Variants in ATP2B2 observed in about 807,000 individuals in gnomAD.
The protein encoded by ATP2B2 is ATPase plasma membrane Ca2+ transporting 2.
A neutral mutation model predicts 120.0 loss-of-function variants in ATP2B2; 15 were observed. That is an observed-to-expected ratio of 0.12 (90% confidence interval 0.08 to 0.19). The LOEUF (loss-of-function observed/expected upper bound fraction) is 0.19, where lower values mean the gene tolerates loss of function less well. Ranked by LOEUF, ATP2B2 falls within the 10% of genes least tolerant of loss-of-function variation. The pLI is 1.00. For missense variants in ATP2B2, 1,045 were observed against 1,719.8 expected (o/e 0.61, Z 6.94); for synonymous variants, 694 against 700.3 (o/e 0.99, Z 0.14).
chr3:10,481,585 G>A (rs1231237819), intron 1 of ATP2B2, among the ~76,000 whole-genome samples: 5 of 152,054 alleles, frequency 3.3e-5, no homozygotes, highest in African/African-American at 9.7e-5. Flanking sequence ...ACACAGTCTC[G>A]CTCCGTTACC....
chr3:10,445,472 C>T (rs965597227), intron 2 of ATP2B2, among the ~76,000 whole-genome samples: 4 of 152,180 alleles, frequency 2.6e-5, no homozygotes, highest in African/African-American at 7.2e-5. Flanking sequence ...AGGAGTGGAG[C>T]TTAGATGGGG....
intron 1 of ATP2B2, among the ~76,000 whole-genome samples, chr3:10,647,772 A>G (rs2070358182): frequency 1.3e-5 from 2 of 152,194 alleles, no homozygotes; most frequent in East Asian, 1.9e-4. Flanking sequence ...GAGAAGAGAG[A>G]AAAAGAAGTT....
intron 3 of ATP2B2, among the ~76,000 whole-genome samples, chr3:10,405,631 T>C (rs1280038123): frequency 1.3e-5 from 2 of 152,082 alleles, no homozygotes; most frequent in African/African-American, 4.8e-5. Flanking sequence ...ACAGTGGCCA[T>C]AGGGTCCAGG....
chr3:10,589,652 C>T (rs530114347), intron 2 of ATP2B2, among the ~76,000 whole-genome samples: 5 of 152,280 alleles, frequency 3.3e-5, no homozygotes, highest in South Asian at 4.2e-4. Context: ...TAGACCCAGC[C>T]CTTGATGAAA....
Position 10,342,628 on chromosome 3 carries a change from G to T in ATP2B2, c.2917+124C>A. On this transcript the variant is annotated intron_variant, in intron 19 of 22. Coordinates refer to ENST00000360273, the MANE Select transcript of ATP2B2 (RefSeq NM_001001331.4). The surrounding 1 kb of genome is among the most constrained non-coding windows in gnomAD (Gnocchi z 4.4). ...TGGGCAACTTACTTGACCTCCCTGG[G>T]CCTCAATTTCCCCATTAGCAAAACA... The T allele has an allele frequency of 8.4e-7, 1 of 1,190,624 alleles. No homozygotes were observed. Among genetic ancestry groups the T allele is most frequent in the Non-Finnish European group, 1.2e-6 (1 of 824,594 alleles). 73.8% of individuals were successfully genotyped at this position (1,190,624 alleles called of 1,614,324 possible). A position where few individuals can be genotyped will look rare whatever the true frequency, so the allele number is the denominator to read the frequency against.
chr3:10,645,034 G>A (rs150813497), intron 1 of ATP2B2, among the ~76,000 whole-genome samples: 18 of 152,250 alleles, frequency 1.2e-4, no homozygotes, highest in East Asian at 5.8e-4. Flanking sequence ...GGGTTAAGGC[G>A]TATGTTGAAT....
chr3:10,606,880 A>AACACACACACACACAC (rs147614282), intron 2 of ATP2B2, among the ~76,000 whole-genome samples: 38 of 100,056 alleles, frequency 3.8e-4, no homozygotes, highest in African/African-American at 1.5e-3. Flanking sequence ...ACGGAGTCTA[A>AACACACACACACACAC]ACACACACAC....
intron 14 of ATP2B2, among the ~76,000 whole-genome samples, chr3:10,351,352 G>A (rs144027642): frequency 1.9e-4 from 29 of 152,040 alleles, no homozygotes; most frequent in Admixed American, 9.2e-4. Context: ...TCAATGGAAC[G>A]AGTGATTCTT....
chr3:10,597,416 C>G (rs11128518), intron 2 of ATP2B2, among the ~76,000 whole-genome samples: 69,380 of 152,038 alleles, frequency 0.46, 18,592 homozygotes, highest in Non-Finnish European at 0.61. Context: ...GGCACAGTGT[C>G]TCAGGACTTC....
chr3:10,504,148 T>C (rs970675641), intron 1 of ATP2B2, among the ~76,000 whole-genome samples: 1 of 152,098 alleles, frequency 6.6e-6, no homozygotes, highest in African/African-American at 2.4e-5. Context: ...ATGGTGGCCA[T>C]CAGCATCTTT....
At chr3:10,574,691 C>A (rs764653018) in intron 2 of ATP2B2, among the ~76,000 whole-genome samples, 8 of 152,100 alleles carry the variant, frequency 5.3e-5, no homozygotes, top group Non-Finnish European at 1.2e-4. Flanking sequence ...GTAGTAATAT[C>A]TACTTGGAAT....
intron 1 of ATP2B2, among the ~76,000 whole-genome samples, chr3:10,685,483 TCTC>T (rs945524194): frequency 4.6e-5 from 7 of 151,826 alleles, no homozygotes; most frequent in African/African-American, 1.7e-4. Flanking sequence ...TGGCTAAAGG[TCTC>T]CTCACTTGCC....
At chr3:10,428,590 C>T (rs983772866) in intron 2 of ATP2B2, among the ~76,000 whole-genome samples, 2 of 152,200 alleles carry the variant, frequency 1.3e-5, no homozygotes, top group African/African-American at 4.8e-5. Context: ...AACATCTCCG[C>T]AGCCACTTGA....
intron 1 of ATP2B2, among the ~76,000 whole-genome samples, chr3:10,458,963 G>A (rs1356996218): frequency 6.6e-6 from 1 of 152,232 alleles, no homozygotes; most frequent in Non-Finnish European, 1.5e-5. Context: ...CAGAAGCTCA[G>A]TGTTGAAGGG....
intron 1 of ATP2B2, among the ~76,000 whole-genome samples, chr3:10,670,264 C>T (rs180722396): frequency 1.5e-4 from 23 of 152,294 alleles, no homozygotes; most frequent in Admixed American, 3.3e-4. Flanking sequence ...CATCGCCAGG[C>T]GGCTCTCTCT....
chr3:10,368,009 T>C lies in ATP2B2; in HGVS notation c.1659+3800A>G, dbSNP rs573388306. On this transcript the variant is annotated intron_variant, in intron 12 of 22. Transcript: ENST00000360273. ...CTGTCGGACTTTAGAGCCAAACCTC[T>C]TAACCATTGCTTCCTGAGCTAGGTA... is the stretch of plus-strand genomic sequence containing the variant. Among the ~76,000 whole-genome samples the C allele has an allele frequency of 3.3e-5, 5 of 152,324 alleles. No individual in the cohort carries two copies. In the South Asian group the frequency reaches 1.0e-3, roughly 32 times the overall value.
intron 2 of ATP2B2, among the ~76,000 whole-genome samples, chr3:10,416,114 ACT>A (rs1443455570): frequency 2.0e-5 from 3 of 152,098 alleles, no homozygotes; most frequent in Non-Finnish European, 4.4e-5. Context: ...GTAAAAAAAC[ACT>A]CCAACACTCT....
chr3:10,602,076 GC>G (rs1205189536), intron 2 of ATP2B2, among the ~76,000 whole-genome samples: 4 of 152,210 alleles, frequency 2.6e-5, no homozygotes, highest in Non-Finnish European at 5.9e-5. Context: ...GGCTCCAGCG[GC>G]TCTCCTGGCA....
chr3:10,620,866 C>T (rs1176464705), intron 1 of ATP2B2, among the ~76,000 whole-genome samples: 2 of 152,168 alleles, frequency 1.3e-5, no homozygotes, highest in Admixed American at 6.5e-5. Flanking sequence ...GGCAGGATAC[C>T]AGTGCTGAGC....
Sources: gnomAD v4.1 joint callset for allele counts (sites outside exome capture counted in the v4.1 genomes callset) on GRCh38, gnomAD v4.1.1 for gene constraint, Gnocchi (gnomAD v3.1) non-coding constraint, MANE v1.5 for transcripts, NCBI Gene and HGNC (gene_info 2026-07-23, HGNC 2026-07-21) for gene names.